Variants in CLEC17A observed in about 807,000 individuals in gnomAD.
CLEC17A encodes the protein C-type lectin domain containing 17A.
A neutral mutation model predicts 61.3 loss-of-function variants in CLEC17A; 37 were observed. The observed-to-expected ratio is 0.60, with a 90% CI of 0.46 to 0.79. The LOEUF (loss-of-function observed/expected upper bound fraction) is 0.79, where lower values mean the gene tolerates loss of function less well. Among genes scored for constraint, CLEC17A ranks in the 30% least tolerant of loss-of-function variants. The probability of loss-of-function intolerance (pLI) is 0.00; values close to 1 mark genes in which losing one functional copy is unlikely to be tolerated. For missense variants in CLEC17A, 418 were observed against 464.7 expected (o/e 0.90, Z 0.92); for synonymous variants, 168 against 164.9 (o/e 1.02, Z -0.14).
In CLEC17A at chr19:14,607,002, G is replaced by A; in HGVS notation, c.904G>A (p.Ala302Thr). The A allele has an allele frequency of 1.6e-6, 2 of 1,285,026 alleles. No individual in the cohort carries two copies. Among genetic ancestry groups the A allele is most frequent in the Non-Finnish European group, 9.9e-7 (1 of 1,012,226 alleles). The allele number at this position is 1,285,026 out of a possible 1,614,324, so 79.6% of individuals were successfully genotyped here. ...INSFAEHNFV[A>T]KAHGSPRVYW... ...GAATTTTTATTTGCAGAATTTTGTGGCCAAGGCCCATGGCTCTCCACGGGT... is the reference window on the plus strand; with the variant it reads ...GAATTTTTATTTGCAGAATTTTGTGACCAAGGCCCATGGCTCTCCACGGGT... Residue 302 changes from alanine to threonine, a missense_variant, in exon 13 of 14, where the codon GCC becomes ACC. Physicochemically the swap from Ala to Thr is moderately conservative, Grantham distance 58. Transcript: ENST00000417570.
chr19:14,610,249 A>G lies in CLEC17A; in HGVS notation c.*53A>G. Reference sequence around the variant, plus strand: ...ATCTGAGTGTCTCTTTGAGATGAGAATCTCCTGCCCTTTCGTGGACGGCCT... The same window carrying G: ...ATCTGAGTGTCTCTTTGAGATGAGAGTCTCCTGCCCTTTCGTGGACGGCCT... On this transcript the variant is annotated 3_prime_UTR_variant, in exon 14 of 14. Transcript: ENST00000417570. 2 of 1,541,444 alleles carry G rather than the reference A, an allele frequency of 1.3e-6. No individual in the cohort carries two copies. The highest frequency in any genetic ancestry group is 2.4e-5 in the South Asian group (2 of 83,962).
chr19:14,595,641 G>C (rs1389033163), intron 8 of CLEC17A, among the ~76,000 whole-genome samples: 1 of 151,970 alleles, frequency 6.6e-6, no homozygotes, highest in Non-Finnish European at 1.5e-5. Flanking sequence ...TGGAAAGGAA[G>C]AGGATGGTTG....
Position 14,611,422 on chromosome 19 carries a change from G to A in CLEC17A, c.*1226G>A, listed in dbSNP as rs890036464. On this transcript the variant is annotated 3_prime_UTR_variant, in exon 14 of 14. Transcript: ENST00000417570. ...AGATAGGGTTTCATTCTACTACCCA[G>A]GCTGGAGTGCAGTGGCACAATCATA... 8.5e-5 allele frequency among the ~76,000 whole-genome samples: 12 copies of A among 140,450 alleles called. No individual in the cohort carries two copies. Among genetic ancestry groups the A allele is most frequent in the African/African-American group, 3.3e-4 (12 of 36,916 alleles). The allele number at this position is 140,450 out of a possible 152,430, so 92.1% of individuals were successfully genotyped here.
upstream of CLEC17A, chr19:14,583,078 G>C (rs1599523084): frequency 6.8e-6 from 10 of 1,470,666 alleles, no homozygotes; most frequent in South Asian, 9.3e-5. Flanking sequence ...AACTGAGAGA[G>C]CCCCCAGACG....
At chr19:14,602,371 C>G (rs532405139) in intron 12 of CLEC17A, among the ~76,000 whole-genome samples, 1 of 152,276 alleles carries the variant, frequency 6.6e-6, no homozygotes, top group East Asian at 1.9e-4. Context: ...CTCATGGCAG[C>G]CTTGGCCTCC....
upstream of CLEC17A, among the ~76,000 whole-genome samples, chr19:14,582,782 A>G (rs371834181): frequency 4.6e-5 from 7 of 151,742 alleles, no homozygotes; most frequent in East Asian, 1.2e-3. Flanking sequence ...TAATTTTTGT[A>G]TTTTTAGTAG....
intron 8 of CLEC17A, 21 bp from the exon 9 acceptor site, chr19:14,596,855 G>C (rs543188063): frequency 2.5e-6 from 4 of 1,606,236 alleles, no homozygotes; most frequent in East Asian, 2.3e-5. Flanking sequence ...CAGTCTCTCT[G>C]TTCCCATCCC....
Position 14,608,678 on chromosome 19 carries a change from GGC to G in CLEC17A, c.1005-1385_1005-1384del, listed in dbSNP as rs533706904. On this transcript the variant is annotated intron_variant, in intron 13 of 13. Transcript: ENST00000417570. ...AGACAGAGTCTCACTCTGTTGCCCA[GGC>G]TGAAGTGCAGTGGTGCAGTCTTGAC... Among the ~76,000 whole-genome samples the G allele has an allele frequency of 3.3e-3, 476 of 142,530 alleles. 5 individuals carry two copies. The highest frequency in any genetic ancestry group is 8.0e-3 in the Middle Eastern group (2 of 250). The allele number at this position is 142,530 out of a possible 152,430, so 93.5% of individuals were successfully genotyped here.
At chr19:14,597,061 C>T (rs779246561) in intron 9 of CLEC17A, 38 bp from the exon 10 acceptor site, 1 of 1,611,874 alleles carries the variant, frequency 6.2e-7, no homozygotes, top group Non-Finnish European at 8.5e-7. Flanking sequence ...GGAGGGTGCA[C>T]AGGAGGACCT....
intron 2 of CLEC17A, among the ~76,000 whole-genome samples, chr19:14,585,402 G>C (rs1436474412): frequency 2.0e-5 from 3 of 152,266 alleles, no homozygotes; most frequent in Non-Finnish European, 4.4e-5. Context: ...GTTCTGCAGA[G>C]ATGACTGTGG....
At chr19:14,590,179 C>T (rs1379478057) in intron 3 of CLEC17A, among the ~76,000 whole-genome samples, 1 of 148,172 alleles carries the variant, frequency 6.7e-6, no homozygotes, top group Non-Finnish European at 1.5e-5. Context: ...GACCCAGTGC[C>T]CTGGTACTTC....
chr19:14,606,954 G>A (rs2074894323), intron 12 of CLEC17A, 39 bp from the exon 13 acceptor site: 1 of 1,126,064 alleles, frequency 8.9e-7, no homozygotes, highest in South Asian at 3.2e-5. Context: ...TGAGGGTCAT[G>A]TAGAGGAATG....
intron 3 of CLEC17A, chr19:14,588,416 T>A (rs1483619122): frequency 6.6e-6 from 1 of 151,418 alleles, no homozygotes; most frequent in African/African-American, 2.4e-5. Flanking sequence ...GTCAGGAGGA[T>A]CGCTTGAGCC....
At chr19:14,608,358 C>A (rs943076572) in intron 13 of CLEC17A, among the ~76,000 whole-genome samples, 1 of 152,112 alleles carries the variant, frequency 6.6e-6, no homozygotes, top group Admixed American at 6.6e-5. Flanking sequence ...TAGCATTGCT[C>A]ATTATTTTGG....
At chr19:14,595,579 T>C (rs2074522736) in intron 8 of CLEC17A, among the ~76,000 whole-genome samples, 1 of 152,232 alleles carries the variant, frequency 6.6e-6, no homozygotes, top group Non-Finnish European at 1.5e-5. Flanking sequence ...ATAATGATGA[T>C]GTACTTATGG....
chr19:14,587,410 C>T (rs919121081), intron 2 of CLEC17A, among the ~76,000 whole-genome samples: 3 of 152,118 alleles, frequency 2.0e-5, no homozygotes, highest in Non-Finnish European at 4.4e-5. Context: ...CTGGTGTTAG[C>T]GGTAGCCATG....
upstream of CLEC17A, chr19:14,583,034 A>G (rs1282648339): frequency 7.3e-6 from 7 of 953,200 alleles, no homozygotes; most frequent in African/African-American, 8.2e-5. Context: ...TGTCAAAATG[A>G]ATTTGCATGT....
intron 13 of CLEC17A, among the ~76,000 whole-genome samples, chr19:14,607,351 CCA>C (rs1465613109): frequency 6.8e-6 from 1 of 147,186 alleles, no homozygotes; most frequent in East Asian, 2.0e-4. Flanking sequence ...CTACAGGTGC[CCA>C]TCACCATGCC....
At chr19:14,601,853 C>T (rs1038201409) in intron 12 of CLEC17A, among the ~76,000 whole-genome samples, 3 of 151,936 alleles carry the variant, frequency 2.0e-5, no homozygotes, top group Non-Finnish European at 4.4e-5. Flanking sequence ...AGTGCAGTGG[C>T]GCGATCTCGG....
Sources: allele counts gnomAD v4.1 joint callset (sites outside exome capture counted in the v4.1 genomes callset), GRCh38; gene constraint gnomAD v4.1.1; transcripts MANE v1.5; gene names NCBI Gene and HGNC (gene_info 2026-07-23, HGNC 2026-07-21).